The following CMTM8 variants were observed in gnomAD, a reference collection of about 807,000 sequenced individuals.
CMTM8 encodes the protein CKLF-like MARVEL transmembrane domain-containing protein 8.
Under a neutral mutation model 18.6 loss-of-function variants are expected in CMTM8, and 12 were observed. That is an observed-to-expected ratio of 0.65 (90% CI 0.41 to 1.05). The LOEUF (loss-of-function observed/expected upper bound fraction) is 1.05. Among genes scored for constraint, CMTM8 ranks in the 50% least tolerant of loss-of-function variants. The pLI, the probability that CMTM8 is intolerant of heterozygous loss-of-function variation, is 0.00. For synonymous variants in CMTM8, 87 were observed against 90.6 expected (o/e 0.96, Z 0.23); for missense variants, 217 against 227.2 (o/e 0.95, Z 0.29).
chr3:32,255,656 C>A (rs909784903), intron 1 of CMTM8, among the ~76,000 whole-genome samples: 2 of 152,102 alleles, frequency 1.3e-5, no homozygotes, highest in South Asian at 4.1e-4. Context: ...TACCTTCATA[C>A]TTGAATAATA....
At chr3:32,239,168 C>T (rs750831698) in intron 1 of CMTM8, 49 bp downstream of exon 1, 11 of 1,541,126 alleles carry the variant, frequency 7.1e-6, no homozygotes, top group African/African-American at 1.4e-5. Context: ...TGGACCCCGG[C>T]GCGTGCTTCC....
At chr3:32,245,430 T>A (rs1326041725) in intron 1 of CMTM8, among the ~76,000 whole-genome samples, 1 of 152,232 alleles carries the variant, frequency 6.6e-6, no homozygotes, top group African/African-American at 2.4e-5. Flanking sequence ...CATGGTAGTT[T>A]CCTTCCTTTT....
At chr3:32,285,022 C>T (rs1419386358) in intron 1 of CMTM8, among the ~76,000 whole-genome samples, 1 of 152,178 alleles carries the variant, frequency 6.6e-6, no homozygotes, top group East Asian at 1.9e-4. Context: ...TCAAGGTACA[C>T]ACCTTTTCCT....
At chr3:32,255,819 A>AG (rs1304668583) in intron 1 of CMTM8, among the ~76,000 whole-genome samples, 1 of 152,004 alleles carries the variant, frequency 6.6e-6, no homozygotes, top group African/African-American at 2.4e-5. Flanking sequence ...CAACATCCAC[A>AG]GGCTCAGGTG....
chr3:32,342,792 G>A (rs1696524264), intron 1 of CMTM8, among the ~76,000 whole-genome samples: 1 of 152,210 alleles, frequency 6.6e-6, no homozygotes, highest in East Asian at 1.9e-4. Flanking sequence ...GTAAACCCTG[G>A]CAATAATATT....
At chr3:32,259,941 T>C in intron 1 of CMTM8, 2 of 1,133,384 alleles carry the variant, frequency 1.8e-6, no homozygotes, top group Non-Finnish European at 2.6e-6. Flanking sequence ...ACCCTGCAGA[T>C]AGAGCAGCTC....
At chr3:32,273,331 T>TAC (rs142730128) in intron 1 of CMTM8, among the ~76,000 whole-genome samples, 21,788 of 150,944 alleles carry the variant, frequency 0.14, 1,568 homozygotes, top group Middle Eastern at 0.2. Flanking sequence ...TATGTATGTG[T>TAC]ACACACACAC....
intron 1 of CMTM8, among the ~76,000 whole-genome samples, chr3:32,335,415 C>T (rs775416946): frequency 7.2e-5 from 11 of 152,190 alleles, no homozygotes. Flanking sequence ...GTAAGCTGTA[C>T]ATCTCCGGTC....
At chr3:32,316,132 A>T (rs186529390) in intron 1 of CMTM8, among the ~76,000 whole-genome samples, 176 of 142,566 alleles carry the variant, frequency 1.2e-3, no homozygotes, top group African/African-American at 4.3e-3. Flanking sequence ...GATCACGCCA[A>T]TTCTCCTGCC....
At chr3:32,336,915 G>T (rs975969273) in intron 1 of CMTM8, among the ~76,000 whole-genome samples, 78 of 152,136 alleles carry the variant, frequency 5.1e-4, no homozygotes, top group African/African-American at 1.8e-3. Flanking sequence ...GTTTCTTCCA[G>T]TTTTGGAGGC....
At chr3:32,262,205 G>C (rs1044961549) in intron 1 of CMTM8, among the ~76,000 whole-genome samples, 1 of 152,182 alleles carries the variant, frequency 6.6e-6, no homozygotes, top group East Asian at 1.9e-4. Context: ...GGAATGGGAC[G>C]CTGGGATTTC....
chr3:32,267,745 A>G lies in CMTM8; in HGVS notation c.147+28626A>G, dbSNP rs1209743855. On this transcript the variant is annotated intron_variant, in intron 1 of 3. Coordinates refer to ENST00000307526, the MANE Select transcript of CMTM8 (RefSeq NM_178868.5). ...TCCAGAATCTACAAGGAACTCAAAC[A>G]AATTTACAAGAAAAAAACAACCCCA... Among the ~76,000 whole-genome samples the G allele has an allele frequency of 2.6e-5, 4 of 152,352 alleles. No homozygotes were observed. In the South Asian group the frequency reaches 6.2e-4, roughly 24 times the overall value.
intron 1 of CMTM8, among the ~76,000 whole-genome samples, chr3:32,245,390 T>C (rs1450136636): frequency 6.6e-6 from 1 of 152,226 alleles, no homozygotes; most frequent in Non-Finnish European, 1.5e-5. Context: ...CTCAAGGCTG[T>C]GCCAATGTAA....
intron 1 of CMTM8, among the ~76,000 whole-genome samples, chr3:32,241,313 C>T (rs958620769): frequency 6.6e-6 from 1 of 152,202 alleles, no homozygotes. Flanking sequence ...CTTCCTGTCT[C>T]CCAATATAGG....
intron 1 of CMTM8, among the ~76,000 whole-genome samples, chr3:32,247,785 T>C (rs954362470): frequency 1.3e-5 from 2 of 152,236 alleles, no homozygotes; most frequent in African/African-American, 4.8e-5. Flanking sequence ...TTAAAAATTT[T>C]TTGAAATGTC....
rs114632918 is a variant in CMTM8, at chr3:32,275,973, C to T, written c.147+36854C>T. On this transcript the variant is annotated intron_variant, in intron 1 of 3. Coordinates refer to ENST00000307526, the MANE Select transcript of CMTM8 (RefSeq NM_178868.5). ...TACTTCAGTTAATTCCCAAAGAGCC[C>T]GTATTCTCTTGCCCTTTTCTGCCAT... Among the ~76,000 whole-genome samples the T allele has an allele frequency of 9.6e-3, 1,458 of 152,118 alleles. 20 individuals are homozygous for T. Among genetic ancestry groups the T allele is most frequent in the African/African-American group, 0.033 (1,369 of 41,488 alleles).
intron 1 of CMTM8, among the ~76,000 whole-genome samples, chr3:32,342,121 G>A (rs1171279782): frequency 1.3e-5 from 2 of 151,954 alleles, no homozygotes; most frequent in East Asian, 3.9e-4. Context: ...GGTGGCATGC[G>A]CTTGTAATCC....
At chr3:32,284,600 C>T (rs557106277) in intron 1 of CMTM8, among the ~76,000 whole-genome samples, 1 of 152,302 alleles carries the variant, frequency 6.6e-6, no homozygotes, top group African/African-American at 2.4e-5. Flanking sequence ...AGTAGACATT[C>T]TAGGTGATTG....
chr3:32,367,580 A>G (rs1002731041), intron 2 of CMTM8, among the ~76,000 whole-genome samples: 1 of 152,180 alleles, frequency 6.6e-6, no homozygotes, highest in African/African-American at 2.4e-5. Flanking sequence ...AGCTTGGCTG[A>G]CATCTGGATG....
Sources: gnomAD v4.1 joint callset for allele counts (sites outside exome capture counted in the v4.1 genomes callset) on GRCh38, gnomAD v4.1.1 for gene constraint, MANE v1.5 for transcripts, NCBI Gene and HGNC (gene_info 2026-07-23, HGNC 2026-07-21) for gene names.